The following LSAMP variants were observed in gnomAD, a reference collection of about 807,000 sequenced individuals.
LSAMP encodes limbic system associated membrane protein.
In LSAMP, 7 loss-of-function variants were observed where a neutral mutation model predicts 38.6. The ratio of observed to expected loss-of-function variants is 0.18; its 90% CI spans 0.10 to 0.34. The LOEUF (loss-of-function observed/expected upper bound fraction) is 0.34. Ranked by LOEUF, LSAMP falls within the 10% of genes least tolerant of loss-of-function variation. LSAMP has a pLI of 1.00. For missense variants in LSAMP, 313 were observed against 420.0 expected, an observed-to-expected ratio of 0.75 and a Z score of 2.23; for synonymous variants, 154 against 166.8, an observed-to-expected ratio of 0.92 and a Z score of 0.59.
intron 3 of LSAMP, among the ~76,000 whole-genome samples, chr3:115,914,353 G>A (rs959715061): frequency 2.0e-5 from 3 of 152,058 alleles, no homozygotes; most frequent in African/African-American, 7.2e-5. Flanking sequence ...TTCTCATCCC[G>A]CACCACCTCA....
chr3:116,411,959 G>A (rs2048986844), intron 1 of LSAMP, among the ~76,000 whole-genome samples: 2 of 151,842 alleles, frequency 1.3e-5, no homozygotes, highest in Non-Finnish European at 2.9e-5. Flanking sequence ...GCTTACTTCT[G>A]CCTTTTGCCA....
At chr3:115,958,955 A>G (rs1938541878) in intron 3 of LSAMP, among the ~76,000 whole-genome samples, 1 of 152,114 alleles carries the variant, frequency 6.6e-6, no homozygotes. Flanking sequence ...AAAAATAAAT[A>G]AGGATCTTGC....
chr3:116,409,012 T>C (rs1219082674), intron 1 of LSAMP, among the ~76,000 whole-genome samples: 1 of 152,030 alleles, frequency 6.6e-6, no homozygotes, highest in African/African-American at 2.4e-5. Context: ...TTTTTCTACA[T>C]TGGTTTCCCC....
chr3:115,839,751 G>A (rs1049501930), intron 6 of LSAMP, among the ~76,000 whole-genome samples: 7 of 152,182 alleles, frequency 4.6e-5, no homozygotes, highest in African/African-American at 1.7e-4. Flanking sequence ...GGACCACCAG[G>A]AAGTACATCA....
chr3:116,327,187 A>T (rs374607281), intron 1 of LSAMP, among the ~76,000 whole-genome samples: 1 of 152,190 alleles, frequency 6.6e-6, no homozygotes, highest in Non-Finnish European at 1.5e-5. Context: ...GCAGTGGCCA[A>T]TGCCAAGGGC....
chr3:116,278,621 T>TAAC (rs1235275568), intron 1 of LSAMP, among the ~76,000 whole-genome samples: 1 of 152,188 alleles, frequency 6.6e-6, no homozygotes, highest in Non-Finnish European at 1.5e-5. Flanking sequence ...CATTGTGACA[T>TAAC]AACTGTGGCC....
intron 1 of LSAMP, among the ~76,000 whole-genome samples, chr3:116,286,164 C>A (rs1403258392): frequency 6.6e-6 from 1 of 152,184 alleles, no homozygotes. Context: ...AACAGGGAAG[C>A]TTTGCAATGC....
At chr3:115,869,301 A>AGAGAGACT (rs1410947626) in intron 3 of LSAMP, among the ~76,000 whole-genome samples, 2 of 151,570 alleles carry the variant, frequency 1.3e-5, no homozygotes, top group African/African-American at 4.8e-5. Context: ...AGAGAGAGAG[A>AGAGAGACT]GACTGACTGA....
intron 4 of LSAMP, among the ~76,000 whole-genome samples, chr3:115,850,508 C>A (rs1219209311): frequency 1.3e-5 from 2 of 152,162 alleles, no homozygotes; most frequent in Non-Finnish European, 2.9e-5. Context: ...AGAGAAGTTG[C>A]CTTTCATGTG....
intron 1 of LSAMP, among the ~76,000 whole-genome samples, chr3:116,137,338 A>G (rs1709273199): frequency 6.6e-6 from 1 of 152,068 alleles, no homozygotes. Context: ...GGGAGTTAGT[A>G]ATCATTCAAC....
chr3:116,312,169 C>T (rs914651360), intron 1 of LSAMP, among the ~76,000 whole-genome samples: 1 of 152,110 alleles, frequency 6.6e-6, no homozygotes, highest in African/African-American at 2.4e-5. Flanking sequence ...GCATGTACTC[C>T]CACATTTTCC....
chr3:116,193,901 A>G (rs1042923840), intron 1 of LSAMP, among the ~76,000 whole-genome samples: 1 of 151,984 alleles, frequency 6.6e-6, no homozygotes, highest in East Asian at 1.9e-4. Context: ...CACCAGCTCT[A>G]CAGTCATCAT....
At chr3:115,881,132 A>C (rs1233188550) in intron 3 of LSAMP, among the ~76,000 whole-genome samples, 1 of 152,120 alleles carries the variant, frequency 6.6e-6, no homozygotes, top group Non-Finnish European at 1.5e-5. Flanking sequence ...CTTACACCCA[A>C]GTTATTAATA....
chr3:116,290,594 G>A (rs1277319873), intron 1 of LSAMP, among the ~76,000 whole-genome samples: 1 of 151,888 alleles, frequency 6.6e-6, no homozygotes, highest in East Asian at 1.9e-4. Context: ...GCCTGGTGTG[G>A]TGGCGTGTGC....
chr3:116,148,135 A>AAAACACTATTGTGGAGGTT (rs1709529788), intron 1 of LSAMP, among the ~76,000 whole-genome samples: 1 of 148,864 alleles, frequency 6.7e-6, no homozygotes, highest in African/African-American at 2.5e-5. Flanking sequence ...TTTTTAATTC[A>AAAACACTATTGTGGAGGTT]TGAGGAATGT....
chr3:115,928,727 A>G (rs570315880), intron 3 of LSAMP, among the ~76,000 whole-genome samples: 1 of 152,352 alleles, frequency 6.6e-6, no homozygotes, highest in South Asian at 2.1e-4. Context: ...AAAGAAGAGC[A>G]TAAATCAAGA....
chr3:115,924,087 G>C (rs1376045691), intron 3 of LSAMP, among the ~76,000 whole-genome samples: 1 of 151,906 alleles, frequency 6.6e-6, no homozygotes, highest in African/African-American at 2.4e-5. Context: ...TGAATTCCTA[G>C]GAACCTGATC....
intron 1 of LSAMP, among the ~76,000 whole-genome samples, chr3:116,103,379 C>G (rs979360655): frequency 6.8e-6 from 1 of 147,772 alleles, no homozygotes; most frequent in Admixed American, 6.9e-5. Context: ...GATACAGAAT[C>G]GCTTGAACCT....
intron 1 of LSAMP, among the ~76,000 whole-genome samples, chr3:116,096,645 C>A (rs774666752): frequency 1.8e-4 from 28 of 152,312 alleles, no homozygotes; most frequent in Non-Finnish European, 3.4e-4. Context: ...CACTTTCAAC[C>A]AGATCCACTT....
Sources: allele counts gnomAD v4.1 joint callset (sites outside exome capture counted in the v4.1 genomes callset), GRCh38; gene constraint gnomAD v4.1.1; transcripts MANE v1.5; gene names NCBI Gene and HGNC (gene_info 2026-07-23, HGNC 2026-07-21).